The following RALGAPB variants were observed in gnomAD, a reference collection of about 807,000 sequenced individuals.
The protein encoded by RALGAPB is Ral GTPase activating protein non-catalytic subunit beta, also known as ral GTPase-activating protein subunit beta.
A neutral mutation model predicts 161.1 loss-of-function variants in RALGAPB; 25 were observed. The observed-to-expected ratio is 0.16, with a 90% CI of 0.11 to 0.22. RALGAPB has a LOEUF of 0.22. Among genes scored for constraint, RALGAPB ranks in the 10% least tolerant of loss-of-function variants. RALGAPB has a pLI of 1.00. For missense variants in RALGAPB, 1,391 were observed against 1,815.2 expected (o/e 0.77, Z 4.25); for synonymous variants, 629 against 626.1 (o/e 1.00, Z -0.07).
intron 2 of RALGAPB, among the ~76,000 whole-genome samples, chr20:38,491,420 A>G (rs571074281): frequency 1.3e-5 from 2 of 152,066 alleles, no homozygotes; most frequent in East Asian, 1.9e-4. Context: ...TGGCATGTTA[A>G]TCTACTGTTA....
chr20:38,510,578 G>C (rs1367715755), intron 6 of RALGAPB, among the ~76,000 whole-genome samples: 2 of 152,182 alleles, frequency 1.3e-5, no homozygotes, highest in African/African-American at 4.8e-5. Context: ...GTATTATTTA[G>C]GGTAAGGAAT....
intron 4 of RALGAPB, 24 bp from the exon 5 acceptor site, chr20:38,499,423 A>T (rs764376448): frequency 4.5e-6 from 7 of 1,556,472 alleles, no homozygotes; most frequent in East Asian, 2.4e-5. Flanking sequence ...TTTGCCAAAG[A>T]TGTGTTTTCT....
chr20:38,540,899 T>C, intron 17 of RALGAPB, 142 bp from the exon 18 acceptor site: 1 of 774,982 alleles, frequency 1.3e-6, no homozygotes, highest in South Asian at 2.3e-5. Flanking sequence ...ACTATGAAGT[T>C]AATATATATC....
At chr20:38,550,814 C>T (rs185194595) in intron 20 of RALGAPB, among the ~76,000 whole-genome samples, 284 of 152,270 alleles carry the variant, frequency 1.9e-3, no homozygotes, top group Middle Eastern at 6.8e-3. Flanking sequence ...TTCAGGCCTG[C>T]AGCAGTAGAG....
intron 9 of RALGAPB, among the ~76,000 whole-genome samples, chr20:38,518,968 A>G (rs1164879212): frequency 6.6e-6 from 1 of 152,216 alleles, no homozygotes; most frequent in Non-Finnish European, 1.5e-5. Flanking sequence ...CTTAGCTGTT[A>G]CTATAATTCT....
intron 1 of RALGAPB, among the ~76,000 whole-genome samples, chr20:38,484,249 C>T (rs1307769778): frequency 6.6e-6 from 1 of 152,202 alleles, no homozygotes; most frequent in Non-Finnish European, 1.5e-5. Flanking sequence ...TCTACCAAAT[C>T]TGTCACTGCA....
intron 20 of RALGAPB, among the ~76,000 whole-genome samples, chr20:38,549,549 A>T (rs6026443): frequency 0.6 from 78,304 of 130,886 alleles, 24,876 homozygotes; most frequent in African/African-American, 0.84. Flanking sequence ...AAAAAAAAAA[A>T]ATATATATAT....
At chr20:38,524,147 G>A (rs940998372) in intron 10 of RALGAPB, among the ~76,000 whole-genome samples, 5 of 152,172 alleles carry the variant, frequency 3.3e-5, no homozygotes, top group African/African-American at 1.2e-4. Flanking sequence ...TTGATTAGAG[G>A]TTGGGGGTGG....
chr20:38,562,725 GT>G (rs1203298859), intron 24 of RALGAPB, 28 bp downstream of exon 24: 1 of 1,551,344 alleles, frequency 6.4e-7, no homozygotes, highest in Non-Finnish European at 8.7e-7. Flanking sequence ...TCAAATGTCA[GT>G]TGTTTCTTGT....
rs779643155 is a variant in RALGAPB, at chr20:38,551,142, A to G, written c.3081A>G (p.Pro1027=). 6.2e-7 allele frequency: 1 copy of G among 1,613,970 alleles called. No homozygotes were observed. Among genetic ancestry groups the G allele is most frequent in the South Asian group, 1.1e-5 (1 of 91,082 alleles). The change falls in exon 21 of 30, where the codon CCA becomes CCG. Residue 1027 remains proline (P), a synonymous_variant. Coordinates refer to ENST00000262879, the MANE Select transcript of RALGAPB (RefSeq NM_020336.4). ...VGFKYSVKHR[P]FPEEVDKIPF... ...TTAAATATTCTGTGAAACATCGGCC[A>G]TTTCCTGAAGAGGTGGACAAGATTC...
chr20:38,539,566 C>T (rs2086906058), intron 16 of RALGAPB, among the ~76,000 whole-genome samples: 2 of 152,160 alleles, frequency 1.3e-5, no homozygotes, highest in Middle Eastern at 3.2e-3. Context: ...TAATGAAATA[C>T]TGTTTGAGCA....
intron 2 of RALGAPB, among the ~76,000 whole-genome samples, chr20:38,492,006 C>CT (rs1231667066): frequency 2.0e-5 from 3 of 152,160 alleles, no homozygotes; most frequent in African/African-American, 7.2e-5. Flanking sequence ...AGTTTCCTCC[C>CT]TTTTTTGCAA....
Position 38,472,875 on chromosome 20 carries a change from C to A in RALGAPB, c.-225C>A. ...AGTTGCCTGAGCAGATCCCAGCCGG[C>A]TGGCTCGAGTGGCCTTCGTCGTCCC... On this transcript the variant is annotated 5_prime_UTR_variant, in exon 1 of 30. The change creates a new upstream start codon in the 5' untranslated region. Transcript: ENST00000262879. 1 of 398,998 alleles carries A rather than the reference C, an allele frequency of 2.5e-6. No homozygotes were observed. Among genetic ancestry groups the A allele is most frequent in the Non-Finnish European group, 4.4e-6 (1 of 226,024 alleles). 24.7% of individuals were successfully genotyped at this position (398,998 alleles called of 1,614,324 possible).
intron 22 of RALGAPB, among the ~76,000 whole-genome samples, chr20:38,556,538 T>C (rs1021212051): frequency 2.0e-5 from 3 of 152,148 alleles, no homozygotes; most frequent in Non-Finnish European, 4.4e-5. Context: ...ATTATGTCTA[T>C]GATATTCAGT....
rs760378902 is a variant in RALGAPB, at chr20:38,499,559, G to A, written c.666G>A (p.Glu222=). Residue 222 remains glutamate (E), a synonymous_variant, in exon 5 of 30, where the codon GAG becomes GAA. Transcript: ENST00000262879. ...PTPPYWKTAK[E]MVANWRHHPA... is the part of the protein sequence containing the mutation. ...CTCCTTATTGGAAAACAGCCAAGGA[G>A]ATGGTGGCTAACTGGAGGCATCACC... The A allele has an allele frequency of 1.9e-6, 3 of 1,614,042 alleles. No homozygotes were observed. Among genetic ancestry groups the A allele is most frequent in the South Asian group, 2.2e-5 (2 of 91,080 alleles).
intron 9 of RALGAPB, among the ~76,000 whole-genome samples, chr20:38,518,683 A>G (rs1295361022): frequency 1.3e-5 from 2 of 152,106 alleles, no homozygotes; most frequent in Non-Finnish European, 2.9e-5. Flanking sequence ...GGTAGGGCAC[A>G]ATGTTTTGAA....
At chr20:38,555,324 G>A (rs965863260) in intron 22 of RALGAPB, among the ~76,000 whole-genome samples, 2 of 152,210 alleles carry the variant, frequency 1.3e-5, no homozygotes, top group African/African-American at 2.4e-5. Context: ...TTGTAGGAAA[G>A]TAATGGGGAC....
At chr20:38,519,066 AATTT>A (rs2086215171) in intron 9 of RALGAPB, among the ~76,000 whole-genome samples, 1 of 152,182 alleles carries the variant, frequency 6.6e-6, no homozygotes, top group South Asian at 2.1e-4. Context: ...ACAAATCTTT[AATTT>A]AGAAAAGTTG....
intron 13 of RALGAPB, among the ~76,000 whole-genome samples, chr20:38,527,989 T>A (rs2086522775): frequency 6.6e-6 from 1 of 152,218 alleles, no homozygotes; most frequent in Non-Finnish European, 1.5e-5. Flanking sequence ...AATGGTTTCC[T>A]TGATAATAAA....
Sources: allele counts gnomAD v4.1 joint callset (sites outside exome capture counted in the v4.1 genomes callset), GRCh38; gene constraint gnomAD v4.1.1; transcripts MANE v1.5; gene names NCBI Gene and HGNC (gene_info 2026-07-23, HGNC 2026-07-21).